The following ZNF605 variants were observed in gnomAD, a reference collection of about 807,000 sequenced individuals.
The protein encoded by ZNF605 is zinc finger protein 605.
In ZNF605, 9 loss-of-function variants were observed where a neutral mutation model predicts 7.9. The ratio of observed to expected loss-of-function variants is 1.14; its 90% CI spans 0.68 to 1.98. ZNF605 has a LOEUF of 1.98. Ranked by LOEUF, ZNF605 falls within the 30% of genes most tolerant of loss-of-function variation. The probability of loss-of-function intolerance (pLI) is 0.00; values close to 1 mark genes in which losing one functional copy is unlikely to be tolerated. For missense variants in ZNF605, 673 were observed against 762.4 expected (o/e 0.88, Z 1.38); for synonymous variants, 255 against 260.1 (o/e 0.98, Z 0.19).
intron 1 of ZNF605, among the ~76,000 whole-genome samples, chr12:132,953,271 T>C (rs940016466): frequency 2.0e-5 from 3 of 152,142 alleles, no homozygotes; most frequent in Non-Finnish European, 2.9e-5. Context: ...TCCAGGGCCT[T>C]CAGAGACACA....
chr12:132,951,220 G>T (rs1298975070), intron 1 of ZNF605, among the ~76,000 whole-genome samples: 1 of 150,000 alleles, frequency 6.7e-6, no homozygotes, highest in Non-Finnish European at 1.5e-5. Context: ...TGATACACAT[G>T]TACATCACAC....
At chr12:132,953,413 C>G (rs1021968985) in intron 1 of ZNF605, among the ~76,000 whole-genome samples, 1 of 152,130 alleles carries the variant, frequency 6.6e-6, no homozygotes, top group African/African-American at 2.4e-5. Flanking sequence ...ATCACAGATA[C>G]CCAAAGGCCA....
At chr12:132,932,397 A>C (rs2137132440) in intron 4 of ZNF605, among the ~76,000 whole-genome samples, 1 of 152,336 alleles carries the variant, frequency 6.6e-6, no homozygotes, top group South Asian at 2.1e-4. Context: ...AGTGTTATCT[A>C]AAAGAAGAAA....
In ZNF605 at chr12:132,919,124, C is replaced by T. The variant is rs747448308; in HGVS notation, c.*6249G>A. Reference sequence around the variant, plus strand: ...CCTAACTGCTCCTTTCACATGAGCACGCACTAATGAAAATAAAAAGTTAAT... The same window carrying T: ...CCTAACTGCTCCTTTCACATGAGCATGCACTAATGAAAATAAAAAGTTAAT... On this transcript the variant is annotated 3_prime_UTR_variant, in exon 5 of 5. Coordinates refer to ENST00000360187, the MANE Select transcript of ZNF605 (RefSeq NM_183238.4). 17 of 152,206 alleles carry T rather than the reference C, an allele frequency of 1.1e-4. No individual in the cohort carries two copies. The highest frequency in any genetic ancestry group is 3.3e-4 in the Admixed American group (5 of 15,274). The allele number at this position is 152,206 out of a possible 1,614,324, so 9.4% of individuals were successfully genotyped here. A position where few individuals can be genotyped will look rare whatever the true frequency, so the allele number is the denominator to read the frequency against.
rs770233013 is a variant in ZNF605, at chr12:132,925,612, A to G, written c.1687T>C (p.Cys563Arg). The change falls in exon 5 of 5, where the codon TGC becomes CGC. Residue 563 changes from cysteine to arginine, a missense_variant. Cys to Arg is a radical substitution (Grantham distance 180). Coordinates refer to ENST00000360187, the MANE Select transcript of ZNF605 (RefSeq NM_183238.4). ...AAGAAAGCTTTTGCACAATCGCTGCATCCATAGGTTTTCTCTCCTGTGTGA... is the reference window on the plus strand; with the variant it reads ...AAGAAAGCTTTTGCACAATCGCTGCGTCCATAGGTTTTCTCTCCTGTGTGA... ...RNHTGEKTYG[C>R]SDCAKAFFEK... The G allele has an allele frequency of 6.2e-7, 1 of 1,614,172 alleles. No individual in the cohort carries two copies. The highest frequency in any genetic ancestry group is 1.1e-5 in the South Asian group (1 of 91,076).
chr12:132,931,137 G>A (rs1309792344), intron 4 of ZNF605, among the ~76,000 whole-genome samples: 1 of 152,056 alleles, frequency 6.6e-6, no homozygotes. Flanking sequence ...CTGTGACTGC[G>A]CCACTGTACT....
intron 3 of ZNF605, chr12:132,945,048 T>A: frequency 3.8e-6 from 1 of 266,032 alleles, no homozygotes; most frequent in South Asian, 4.8e-5. Flanking sequence ...AGTGCACTGA[T>A]GCGATCTCAG....
At position 132,925,890 on chromosome 12, in the gene ZNF605, G is replaced by T. The variant is rs868784960; in HGVS notation, c.1409C>A (p.Thr470Lys). The change falls in exon 5 of 5, where the codon ACA (threonine) becomes AAA (lysine). Residue 470 changes from threonine to lysine, a missense_variant. Thr to Lys is a moderately conservative substitution (Grantham distance 78). Transcript: ENST00000360187. ...TTCATAGGGTTTCTCACCTGTATGT[G>T]TTCTCTGATGTGATATCAGGCTTGA... ...QKSSLISHQR[T>K]HTGEKPYECS... 1 of 1,614,052 alleles carries T rather than the reference G, an allele frequency of 6.2e-7. No individual in the cohort carries two copies.
Position 132,925,835 on chromosome 12 carries a change from C to T in ZNF605, c.1464G>A (p.Glu488=). Residue 488 remains glutamate (E), a synonymous_variant, in exon 5 of 5, where the codon GAG becomes GAA. Coordinates refer to ENST00000360187, the MANE Select transcript of ZNF605 (RefSeq NM_183238.4). ...TCTGATGATGAATGAGACTTGACTTCTCACTGAAGGTTTTCCTGCATTCAC... is the reference window on the plus strand; with the variant it reads ...TCTGATGATGAATGAGACTTGACTTTTCACTGAAGGTTTTCCTGCATTCAC... The part of the protein sequence containing the change: ...ECSECRKTFS[E]KSSLIHHQRT... 1 of 1,614,188 alleles carries T rather than the reference C, an allele frequency of 6.2e-7. No individual in the cohort carries two copies. Among genetic ancestry groups the T allele is most frequent in the Non-Finnish European group, 8.5e-7 (1 of 1,180,028 alleles).
At chr12:132,944,536 T>A (rs1293560871) in intron 3 of ZNF605, among the ~76,000 whole-genome samples, 2 of 152,204 alleles carry the variant, frequency 1.3e-5, no homozygotes, top group Admixed American at 6.5e-5. Context: ...AGCATACTTA[T>A]GGGGACCATT....
intron 1 of ZNF605, among the ~76,000 whole-genome samples, chr12:132,954,965 C>T (rs1952620086): frequency 6.6e-6 from 1 of 152,136 alleles, no homozygotes. Context: ...CAGCCACTCG[C>T]CAGCATAGGC....
At chr12:132,931,804 G>C (rs893130672) in intron 4 of ZNF605, among the ~76,000 whole-genome samples, 1 of 152,324 alleles carries the variant, frequency 6.6e-6, no homozygotes, top group East Asian at 1.9e-4. Context: ...GTATGAGAGA[G>C]AAGCTTTAGA....
chr12:132,936,241 T>C (rs1225874362), intron 3 of ZNF605, among the ~76,000 whole-genome samples: 1 of 151,902 alleles, frequency 6.6e-6, no homozygotes, highest in Non-Finnish European at 1.5e-5. Context: ...AAATGAAATA[T>C]AACTTCTAGA....
chr12:132,942,082 C>T (rs1952448618), intron 3 of ZNF605, among the ~76,000 whole-genome samples: 1 of 152,132 alleles, frequency 6.6e-6, no homozygotes, highest in Non-Finnish European at 1.5e-5. Context: ...TTGTATACAA[C>T]CTTTCCAGAC....
intron 4 of ZNF605, among the ~76,000 whole-genome samples, chr12:132,929,938 C>G (rs1403694256): frequency 6.6e-6 from 1 of 151,972 alleles, no homozygotes; most frequent in Non-Finnish European, 1.5e-5. Flanking sequence ...AGCGAGACTC[C>G]GTCTCAAAAT....
intron 4 of ZNF605, 61 bp from the exon 5 acceptor site, chr12:132,927,223 TA>T (rs1952255864): frequency 7.9e-7 from 1 of 1,271,106 alleles, no homozygotes; most frequent in Non-Finnish European, 1.0e-6. Flanking sequence ...GCTTATTGCA[TA>T]AAGCTTCTGA....
In ZNF605 at chr12:132,933,408, T is replaced by C. The variant is rs1952325752; in HGVS notation, c.16-253A>G. On this transcript the variant is annotated intron_variant, in intron 3 of 4. Transcript: ENST00000360187. This position sits in a 1 kb window ranked among gnomAD's most constrained non-coding sequence, Gnocchi z 4.4. ...TTAGAAAGAAATGCAACTTCTATCC[T>C]GGGCACTCTCTCTCTCTGGAGGAGT... is the stretch of plus-strand genomic sequence containing the variant. Among the ~76,000 whole-genome samples the C allele has an allele frequency of 6.6e-6, 1 of 152,228 alleles. No individual in the cohort carries two copies. The highest frequency in any genetic ancestry group is 2.4e-5 in the African/African-American group (1 of 41,458).
intron 2 of ZNF605, among the ~76,000 whole-genome samples, chr12:132,946,235 A>G (rs1278608): frequency 0.72 from 93,254 of 129,898 alleles, 30,015 homozygotes; most frequent in South Asian, 0.83. Flanking sequence ...AGAGTAAAAC[A>G]CCAACTTACT....
At chr12:132,950,762 C>T (rs796934746) in intron 1 of ZNF605, among the ~76,000 whole-genome samples, 2,052 of 149,198 alleles carry the variant, frequency 0.014, 49 homozygotes, top group African/African-American at 0.047. Flanking sequence ...TGATAACACA[C>T]GTACATCACA....
Sources: gnomAD v4.1 joint callset for allele counts (sites outside exome capture counted in the v4.1 genomes callset) on GRCh38, gnomAD v4.1.1 for gene constraint, Gnocchi (gnomAD v3.1) non-coding constraint, MANE v1.5 for transcripts, NCBI Gene and HGNC (gene_info 2026-07-23, HGNC 2026-07-21) for gene names.